Variants in HTR1D observed in about 807,000 individuals in gnomAD.
The protein encoded by HTR1D is 5-HT-1D.
A neutral mutation model predicts 21.1 loss-of-function variants in HTR1D; 18 were observed. The ratio of observed to expected loss-of-function variants is 0.85; its 90% confidence interval spans 0.59 to 1.27. The LOEUF (loss-of-function observed/expected upper bound fraction) is 1.27, where lower values mean the gene tolerates loss of function less well. HTR1D is among the 50% of genes most tolerant of loss of function. The pLI is 0.00. For missense variants in HTR1D, 456 were observed against 481.4 expected (o/e 0.95, Z 0.49); for synonymous variants, 196 against 204.4 (o/e 0.96, Z 0.35).
chr1:23,215,181 C>A (rs934015114), intron 1 of HTR1D, among the ~76,000 whole-genome samples: 1 of 152,140 alleles, frequency 6.6e-6, no homozygotes, highest in Non-Finnish European at 1.5e-5. Flanking sequence ...TTTTGGGAGG[C>A]CAAGGAGGGT....
chr1:23,194,061 G>C lies in HTR1D; in HGVS notation c.159C>G (p.Val53=), dbSNP rs1446280026. The C allele has an allele frequency of 6.2e-7, 1 of 1,614,070 alleles. No homozygotes were observed. The highest frequency in any genetic ancestry group is 8.5e-7 in the Non-Finnish European group (1 of 1,180,038). ...VVLSVITLAT[V]LSNAFVLTTI... ...TGGTGAGTACAAAGGCATTGGAGAG[G>C]ACTGTGGCCAGTGTGATGACGGAAA... is the stretch of plus-strand genomic sequence containing the variant. The change falls in exon 2 of 2, where the codon GTC becomes GTG. Residue 53 remains valine, a synonymous_variant. Coordinates refer to ENST00000374619, the MANE Select transcript of HTR1D (RefSeq NM_000864.5).
At chr1:23,203,761 TG>T (rs2148241123) in intron 1 of HTR1D, among the ~76,000 whole-genome samples, 1 of 152,292 alleles carries the variant, frequency 6.6e-6, no homozygotes, top group South Asian at 2.1e-4. Flanking sequence ...AAAACATGTG[TG>T]TACGTCCACC....
intron 1 of HTR1D, among the ~76,000 whole-genome samples, chr1:23,214,164 C>T (rs939887727): frequency 2.0e-5 from 3 of 152,192 alleles, no homozygotes; most frequent in Non-Finnish European, 4.4e-5. Flanking sequence ...CAATGGCTCA[C>T]GCCTGTAATT....
rs1484938887 is a variant in HTR1D, at chr1:23,193,159, A to T, written c.1061T>A (p.Ile354Lys). The change falls in exon 2 of 2, where the codon ATA becomes AAA. Residue 354 changes from isoleucine to lysine, a missense_variant. Transcript: ENST00000374619. ...CTCTTCATTAAACACAGTGTAGATT[A>T]TTGGATTGATGAGGGAGTTTAAATA... ...LGYLNSLINP[I>K]IYTVFNEEFR... 1 of 1,611,692 alleles carries T rather than the reference A, an allele frequency of 6.2e-7. No individual in the cohort carries two copies. The highest frequency in any genetic ancestry group is 1.1e-5 in the South Asian group (1 of 90,812).
intron 1 of HTR1D, among the ~76,000 whole-genome samples, chr1:23,211,315 C>A (rs1644752582): frequency 6.6e-6 from 1 of 152,152 alleles, no homozygotes; most frequent in Admixed American, 6.5e-5. Context: ...GGGAAATGAT[C>A]CTGCAATGAG....
intron 1 of HTR1D, among the ~76,000 whole-genome samples, chr1:23,196,911 C>G (rs1241526882): frequency 6.6e-6 from 1 of 151,920 alleles, no homozygotes; most frequent in Non-Finnish European, 1.5e-5. Flanking sequence ...CCTCCTGCCC[C>G]CACTCGCCCC....
rs543135795 is a variant in HTR1D, at chr1:23,194,515, T to A, written c.-296A>T. 5.1e-6 allele frequency: 1 copy of A among 195,676 alleles called. No individual in the cohort carries two copies. 12.1% of individuals were successfully genotyped at this position (195,676 alleles called of 1,614,324 possible). A position where few individuals can be genotyped will look rare whatever the true frequency, so the allele number is the denominator to read the frequency against. On this transcript the variant is annotated 5_prime_UTR_variant, in exon 2 of 2. Coordinates refer to ENST00000374619, the MANE Select transcript of HTR1D (RefSeq NM_000864.5). ...TTCCTAAACCACAGGAATCCCAAGA[T>A]GTCTCAGGGTCCTGGAACTTTTCCC...
At position 23,200,407 on chromosome 1, in the gene HTR1D, C is replaced by G. The variant is rs554012289; in HGVS notation, c.-782-5406G>C. Among the ~76,000 whole-genome samples the G allele has an allele frequency of 2.6e-5, 4 of 152,350 alleles. No individual in the cohort carries two copies. In the South Asian group the frequency reaches 8.3e-4, roughly 32 times the overall value. On this transcript the variant is annotated intron_variant, in intron 1 of 1. Transcript: ENST00000374619. ...TTCTTGCTGTGGCCACTGGGCAAAT[C>G]ACTTCACCTCTCTGAGCCTGCACAG...
chr1:23,205,117 A>G (rs972926296), intron 1 of HTR1D, among the ~76,000 whole-genome samples: 7 of 152,176 alleles, frequency 4.6e-5, no homozygotes, highest in Non-Finnish European at 1.0e-4. Flanking sequence ...GGAGACTATT[A>G]TATTCTAAGT....
In HTR1D at chr1:23,193,063, A is replaced by G; in HGVS notation, c.*23T>C. 6.5e-7 allele frequency: 1 copy of G among 1,532,492 alleles called. No homozygotes were observed. Among genetic ancestry groups the G allele is most frequent in the Non-Finnish European group, 8.8e-7 (1 of 1,130,616 alleles). The allele number at this position is 1,532,492 out of a possible 1,614,324, so 94.9% of individuals were successfully genotyped here. A position where few individuals can be genotyped will look rare whatever the true frequency, so the allele number is the denominator to read the frequency against. On this transcript the variant is annotated 3_prime_UTR_variant, in exon 2 of 2. Transcript: ENST00000374619. ...ATGAGGTTACAGGACACAAAAGATA[A>G]CAAGAGTCATCACCGAATAAGACTA...
chr1:23,208,211 T>C (rs1018253831), intron 1 of HTR1D, among the ~76,000 whole-genome samples: 2 of 152,204 alleles, frequency 1.3e-5, no homozygotes, highest in Non-Finnish European at 2.9e-5. Flanking sequence ...GGCAGATTGC[T>C]TGAGCCCAGG....
intron 1 of HTR1D, among the ~76,000 whole-genome samples, chr1:23,206,969 C>T (rs553949560): frequency 1.3e-5 from 2 of 152,290 alleles, no homozygotes; most frequent in South Asian, 2.1e-4. Context: ...GGCTTTGCTG[C>T]GAACTTTCTG....
At position 23,194,191 on chromosome 1, in the gene HTR1D, C is replaced by T. The variant is rs1355532527; in HGVS notation, c.29G>A (p.Gly10Asp). ...TCTGTTGGAGGCCTCCTGGGGAAGG[C>T]CTTCTGCTGACTGGTTCAGTGGGGA... MSPLNQSAE[G>D]LPQEASNRSL... The change falls in exon 2 of 2, where the codon GGC becomes GAC. Residue 10 changes from glycine (G) to aspartate (D), a missense_variant. By Grantham distance (94) the Gly-to-Asp change is moderately conservative (BLOSUM62 -1). Coordinates refer to ENST00000374619, the MANE Select transcript of HTR1D (RefSeq NM_000864.5). 5.0e-6 allele frequency: 8 copies of T among 1,613,718 alleles called. No individual in the cohort carries two copies. Among genetic ancestry groups the T allele is most frequent in the Non-Finnish European group, 5.9e-6 (7 of 1,179,904 alleles).
intron 1 of HTR1D, among the ~76,000 whole-genome samples, chr1:23,206,948 G>A (rs1644733175): frequency 6.6e-6 from 1 of 152,176 alleles, no homozygotes; most frequent in Non-Finnish European, 1.5e-5. Context: ...AGAGGCCCTG[G>A]GCTTTAGCTT....
Position 23,192,085 on chromosome 1 carries a change from G to A in HTR1D, c.*1001C>T, listed in dbSNP as rs779247322. 1 of 152,120 alleles carries A rather than the reference G, an allele frequency of 6.6e-6. No individual in the cohort carries two copies. The highest frequency in any genetic ancestry group is 6.6e-5 in the Admixed American group (1 of 15,256). 9.4% of individuals were successfully genotyped at this position (152,120 alleles called of 1,614,324 possible). On this transcript the variant is annotated 3_prime_UTR_variant, in exon 2 of 2. Coordinates refer to ENST00000374619, the MANE Select transcript of HTR1D (RefSeq NM_000864.5). Reference sequence around the variant, plus strand: ...CAATCTACCTCAAAGGGGTGATCATGGGTTTCAACTTCAGAATGTGAAGAT... The same window carrying A: ...CAATCTACCTCAAAGGGGTGATCATAGGTTTCAACTTCAGAATGTGAAGAT...
At chr1:23,203,018 G>A (rs553067249) in intron 1 of HTR1D, among the ~76,000 whole-genome samples, 52 of 152,092 alleles carry the variant, frequency 3.4e-4, no homozygotes, top group Non-Finnish European at 5.9e-4. Context: ...AGGTTCAGGC[G>A]ATTCTCCTGT....
At chr1:23,204,379 C>A (rs1407805317) in intron 1 of HTR1D, among the ~76,000 whole-genome samples, 1 of 152,222 alleles carries the variant, frequency 6.6e-6, no homozygotes, top group Non-Finnish European at 1.5e-5. Flanking sequence ...CCCGCCTCGG[C>A]CTCCCAAAGT....
rs1283641960 is a variant in HTR1D at position 23,193,372 on chromosome 1, T to C, written c.848A>G (p.Asp283Gly). The change falls in exon 2 of 2, where the codon GAC becomes GGC. Residue 283 changes from aspartate to glycine, a missense_variant. By Grantham distance (94) the Asp-to-Gly change is moderately conservative. Coordinates refer to ENST00000374619, the MANE Select transcript of HTR1D (RefSeq NM_000864.5). Reference protein sequence around the residue: ...FFNHVKIKLADSALERKRISA... With the variant: ...FFNHVKIKLAGSALERKRISA... ...AATCCTCTTGCGTTCCAGGGCACTGTCAGCAAGCTTGATTTTCACGTGGTT... is the reference window on the plus strand; with the variant it reads ...AATCCTCTTGCGTTCCAGGGCACTGCCAGCAAGCTTGATTTTCACGTGGTT... 2 of 1,614,020 alleles carry C rather than the reference T, an allele frequency of 1.2e-6. No individual in the cohort carries two copies. The highest frequency in any genetic ancestry group is 1.7e-6 in the Non-Finnish European group (2 of 1,180,044).
chr1:23,208,347 G>A (rs1333699795), intron 1 of HTR1D, among the ~76,000 whole-genome samples: 6 of 151,968 alleles, frequency 3.9e-5, no homozygotes, highest in Admixed American at 2.6e-4. Context: ...CGAGGCGGGT[G>A]GAACACCTGA....
Sources: allele counts gnomAD v4.1 joint callset (sites outside exome capture counted in the v4.1 genomes callset), GRCh38; gene constraint gnomAD v4.1.1; transcripts MANE v1.5; gene names NCBI Gene and HGNC (gene_info 2026-07-23, HGNC 2026-07-21).